The following SLC6A15 variants were observed in gnomAD, a reference collection of about 807,000 sequenced individuals.
The protein encoded by SLC6A15 is sodium-dependent neutral amino acid transporter B(0)AT2.
A neutral mutation model predicts 68.5 loss-of-function variants in SLC6A15; 33 were observed. The ratio of observed to expected loss-of-function variants is 0.48; its 90% CI spans 0.37 to 0.64. The LOEUF (loss-of-function observed/expected upper bound fraction) is 0.64, where lower values mean the gene tolerates loss of function less well. SLC6A15 is among the 30% of genes least tolerant of loss of function. The probability of loss-of-function intolerance (pLI) is 0.00; values close to 1 mark genes in which losing one functional copy is unlikely to be tolerated. For synonymous variants in SLC6A15, 347 were observed against 301.0 expected (o/e 1.15, Z -1.58); for missense variants, 747 against 874.3 (o/e 0.85, Z 1.84).
intron 1 of SLC6A15, among the ~76,000 whole-genome samples, chr12:84,910,642 C>T (rs1469742151): frequency 6.6e-6 from 1 of 151,818 alleles, no homozygotes; most frequent in Non-Finnish European, 1.5e-5. Flanking sequence ...AAAGGCCTAA[C>T]TAAAGAGACA....
intron 1 of SLC6A15, among the ~76,000 whole-genome samples, chr12:84,901,871 T>C (rs967807061): frequency 1.3e-5 from 2 of 151,862 alleles, no homozygotes; most frequent in African/African-American, 4.8e-5. Context: ...GAATATGAAA[T>C]GTTTAATTAT....
At chr12:84,868,033 G>C (rs1327100443) in intron 9 of SLC6A15, among the ~76,000 whole-genome samples, 1 of 152,168 alleles carries the variant, frequency 6.6e-6, no homozygotes, top group Non-Finnish European at 1.5e-5. Flanking sequence ...CATTTCGGCA[G>C]AGGTGAGTAA....
chr12:84,908,274 A>C (rs1177417199), intron 1 of SLC6A15, among the ~76,000 whole-genome samples: 1 of 152,034 alleles, frequency 6.6e-6, no homozygotes, highest in East Asian at 1.9e-4. Context: ...ACTTTTTTTA[A>C]TACCCTAAAA....
Position 84,883,842 on chromosome 12 carries a change from G to C in SLC6A15, c.756+17C>G, listed in dbSNP as rs778653925. ...AATGGTGATTAGCAGAATGAGGAAG[G>C]GCTCTAACATACTAACTTTTCCAGA... On this transcript the variant is annotated intron_variant, in intron 5 of 11. Coordinates refer to ENST00000266682, the MANE Select transcript of SLC6A15 (RefSeq NM_182767.6). 10 of 1,613,916 alleles carry C rather than the reference G, an allele frequency of 6.2e-6. No individual in the cohort carries two copies. The highest frequency in any genetic ancestry group is 4.2e-6 in the Non-Finnish European group (5 of 1,180,016).
At chr12:84,889,854 C>T (rs1388388377) in intron 2 of SLC6A15, among the ~76,000 whole-genome samples, 1 of 152,186 alleles carries the variant, frequency 6.6e-6, no homozygotes, top group Admixed American at 6.5e-5. Flanking sequence ...AAAACCTGAT[C>T]TGGAAGTCTC....
At chr12:84,909,273 T>C (rs574003409) in intron 1 of SLC6A15, among the ~76,000 whole-genome samples, 26 of 152,292 alleles carry the variant, frequency 1.7e-4, no homozygotes, top group African/African-American at 6.3e-4. Flanking sequence ...CAATTCATCT[T>C]ATGTGAAAAG....
chr12:84,866,042 C>T (rs1157611544), intron 10 of SLC6A15, among the ~76,000 whole-genome samples: 3 of 152,164 alleles, frequency 2.0e-5, no homozygotes, highest in East Asian at 1.9e-4. Flanking sequence ...CCTAAGCTTC[C>T]TGACCTGGAG....
At chr12:84,897,357 A>C (rs1234920148) in intron 1 of SLC6A15, among the ~76,000 whole-genome samples, 1 of 152,154 alleles carries the variant, frequency 6.6e-6, no homozygotes, top group Non-Finnish European at 1.5e-5. Flanking sequence ...ATTTAGAAGA[A>C]AGCTAATGAA....
At chr12:84,875,674 ATATATATATATATATATATATATAT>A in intron 6 of SLC6A15, among the ~76,000 whole-genome samples, 1 of 64 alleles carries the variant, frequency 0.016, no homozygotes, top group African/African-American at 0.024. Flanking sequence ...ATATATATAT[ATATATATATATATATATATATATAT>A]GAGAATCAAA....
intron 2 of SLC6A15, among the ~76,000 whole-genome samples, chr12:84,889,242 G>A (rs1377683401): frequency 6.6e-6 from 1 of 152,168 alleles, no homozygotes; most frequent in Non-Finnish European, 1.5e-5. Flanking sequence ...TGTAGTCCCA[G>A]CACTTTGGGA....
rs759319266 is a variant in SLC6A15, at chr12:84,870,492, T to G, written c.1481A>C (p.Lys494Thr). The G allele has an allele frequency of 2.0e-6, 3 of 1,524,654 alleles. No homozygotes were observed. Among genetic ancestry groups the G allele is most frequent in the Admixed American group, 4.2e-5 (2 of 48,128 alleles). 94.4% of individuals were successfully genotyped at this position (1,524,654 alleles called of 1,614,324 possible). The change falls in exon 9 of 12, where the codon AAA (lysine) becomes ACA (threonine). Residue 494 changes from lysine to threonine, a missense_variant. Transcript: ENST00000266682. The stretch of plus-strand genomic sequence containing the variant: ...AAAAAACTCACCAGTAAGAATTTCT[T>G]TCCTCACTTTGAAAGTGTCCACAAT... ...TPIVDTFKVR[K>T]EILTVICCLL...
At chr12:84,909,423 A>C (rs1873334805) in intron 1 of SLC6A15, among the ~76,000 whole-genome samples, 1 of 152,204 alleles carries the variant, frequency 6.6e-6, no homozygotes, top group African/African-American at 2.4e-5. Flanking sequence ...TGTTGTTCAC[A>C]GAAAAAGAGA....
intron 5 of SLC6A15, chr12:84,882,996 A>G: frequency 2.0e-6 from 2 of 983,946 alleles, no homozygotes; most frequent in Non-Finnish European, 2.4e-6. Flanking sequence ...GTATATGATG[A>G]TGAGTGGTAA....
At chr12:84,869,464 C>CAAAAAAA (rs34160834) in intron 9 of SLC6A15, among the ~76,000 whole-genome samples, 1 of 63,208 alleles carries the variant, frequency 1.6e-5, no homozygotes, top group Non-Finnish European at 2.9e-5. Flanking sequence ...GACTCCGTCT[C>CAAAAAAA]AAAAAAAAAA....
At position 84,902,261 on chromosome 12, in the gene SLC6A15, A is replaced by T. The variant is rs535281316; in HGVS notation, c.-188-9953T>A. Among the ~76,000 whole-genome samples, 378 of 152,180 alleles carry T rather than the reference A, an allele frequency of 2.5e-3. 4 individuals carry two copies. Among genetic ancestry groups the T allele is most frequent in the South Asian group, 4.6e-3 (22 of 4,830 alleles). On this transcript the variant is annotated intron_variant, in intron 1 of 11. Coordinates refer to ENST00000266682, the MANE Select transcript of SLC6A15 (RefSeq NM_182767.6). ...AAATAACAATACCAAGTCACTATTT[A>T]TACTTCATTAAATGTATATTTTTTT...
At chr12:84,869,587 C>G (rs1340452465) in intron 9 of SLC6A15, among the ~76,000 whole-genome samples, 1 of 151,226 alleles carries the variant, frequency 6.6e-6, no homozygotes, top group Non-Finnish European at 1.5e-5. Flanking sequence ...TGTTTCTGTA[C>G]TCTAGTATGG....
At chr12:84,877,323 A>G (rs995696543) in intron 5 of SLC6A15, among the ~76,000 whole-genome samples, 1 of 152,172 alleles carries the variant, frequency 6.6e-6, no homozygotes, top group Non-Finnish European at 1.5e-5. Context: ...CCCATTAGTA[A>G]AGCCAAACAT....
At chr12:84,874,926 AAT>A (rs1219373938) in intron 6 of SLC6A15, among the ~76,000 whole-genome samples, 1 of 152,200 alleles carries the variant, frequency 6.6e-6, no homozygotes, top group Admixed American at 6.5e-5. Flanking sequence ...ACAGAAATGT[AAT>A]AGAGTCTTAT....
chr12:84,904,126 T>C (rs1317542186), intron 1 of SLC6A15, among the ~76,000 whole-genome samples: 2 of 151,406 alleles, frequency 1.3e-5, no homozygotes, highest in East Asian at 3.9e-4. Context: ...TTCCCTCTTT[T>C]GGAAGCTAGG....
Sources: gnomAD v4.1 joint callset for allele counts (sites outside exome capture counted in the v4.1 genomes callset) on GRCh38, gnomAD v4.1.1 for gene constraint, MANE v1.5 for transcripts, NCBI Gene and HGNC (gene_info 2026-07-23, HGNC 2026-07-21) for gene names.